Variants in ATP8A2 observed in about 807,000 individuals in gnomAD.
ATP8A2 encodes phospholipid-transporting ATPase IB.
A neutral mutation model predicts 165.6 loss-of-function variants in ATP8A2; 100 were observed. The observed-to-expected ratio is 0.60, with a 90% CI of 0.51 to 0.71. ATP8A2 has a LOEUF of 0.71. ATP8A2 is among the 30% of genes least tolerant of loss of function. ATP8A2 has a pLI of 0.00. For synonymous variants in ATP8A2, 543 were observed against 548.8 expected (o/e 0.99, Z 0.15); for missense variants, 1,227 against 1,479.5 (o/e 0.83, Z 2.80).
intron 33 of ATP8A2, among the ~76,000 whole-genome samples, chr13:25,912,687 A>G (rs773560132): frequency 2.0e-4 from 31 of 152,216 alleles, no homozygotes; most frequent in Non-Finnish European, 3.8e-4. Context: ...TTTACAACCT[A>G]AATTTTTTTT....
chr13:25,587,896 CTGT>C (rs983768020), intron 23 of ATP8A2, among the ~76,000 whole-genome samples: 1 of 152,182 alleles, frequency 6.6e-6, no homozygotes, highest in Admixed American at 6.5e-5. Flanking sequence ...TTATCCATCA[CTGT>C]TGTTAAAATA....
chr13:25,982,299 G>A (rs1416697768), intron 35 of ATP8A2, among the ~76,000 whole-genome samples: 1 of 152,218 alleles, frequency 6.6e-6, no homozygotes, highest in South Asian at 2.1e-4. Flanking sequence ...GTTGAAAACT[G>A]AAGACTCGCC....
At chr13:25,959,362 G>T (rs1308265962) in intron 33 of ATP8A2, among the ~76,000 whole-genome samples, 1 of 152,234 alleles carries the variant, frequency 6.6e-6, no homozygotes, top group African/African-American at 2.4e-5. Flanking sequence ...TCCTGAGCAT[G>T]TAAGCATGCC....
rs185662847 is a variant in ATP8A2 at position 25,655,386 on chromosome 13, C to T, written c.2212-43787C>T. ...TGTTGGCCAGGCTGGTCTCGAACTC[C>T]GACCTCAGGTGATCCACCCACCTCG... On this transcript the variant is annotated intron_variant, in intron 24 of 36. Coordinates refer to ENST00000381655, the MANE Select transcript of ATP8A2 (RefSeq NM_016529.6). Among the ~76,000 whole-genome samples the T allele has an allele frequency of 4.6e-5, 7 of 152,250 alleles. No individual in the cohort carries two copies. In the East Asian group the frequency reaches 5.8e-4, roughly 13 times the overall value.
At chr13:25,918,650 C>G (rs2139020032) in intron 33 of ATP8A2, among the ~76,000 whole-genome samples, 1 of 152,234 alleles carries the variant, frequency 6.6e-6, no homozygotes, top group Admixed American at 6.5e-5. Flanking sequence ...CTCCCCCCCG[C>G]AACAATAAAT....
At chr13:25,905,688 G>T (rs1023263892) in intron 33 of ATP8A2, among the ~76,000 whole-genome samples, 5 of 152,204 alleles carry the variant, frequency 3.3e-5, no homozygotes, top group Non-Finnish European at 7.3e-5. Flanking sequence ...CAGCCTCGGT[G>T]CCTGTCTCTG....
intron 35 of ATP8A2, among the ~76,000 whole-genome samples, chr13:26,011,761 C>T (rs1444194584): frequency 6.6e-6 from 1 of 152,062 alleles, no homozygotes; most frequent in Admixed American, 6.5e-5. Flanking sequence ...AAGCAAGGCC[C>T]TGTCTCTGCA....
At chr13:25,994,685 T>C (rs754420143) in intron 35 of ATP8A2, among the ~76,000 whole-genome samples, 2 of 152,154 alleles carry the variant, frequency 1.3e-5, no homozygotes, top group Non-Finnish European at 2.9e-5. Flanking sequence ...GTAGATTACA[T>C]TGATTTCTGA....
chr13:25,718,466 A>G (rs954944370), intron 25 of ATP8A2, among the ~76,000 whole-genome samples: 1 of 151,956 alleles, frequency 6.6e-6, no homozygotes, highest in Non-Finnish European at 1.5e-5. Context: ...GGTTTGGGTT[A>G]TGAGTGCTCA....
intron 25 of ATP8A2, among the ~76,000 whole-genome samples, chr13:25,762,553 G>A (rs1176920624): frequency 2.0e-5 from 3 of 152,114 alleles, no homozygotes; most frequent in African/African-American, 7.2e-5. Context: ...TCCTAGGTCT[G>A]TTGTTTATAT....
intron 2 of ATP8A2, among the ~76,000 whole-genome samples, chr13:25,514,525 G>A (rs138070028): frequency 6.2e-4 from 94 of 152,286 alleles, no homozygotes; most frequent in Admixed American, 2.0e-3. Context: ...AGGTTTGTGT[G>A]GGTGCCCTGG....
intron 27 of ATP8A2, among the ~76,000 whole-genome samples, chr13:25,813,319 T>C (rs1950924028): frequency 6.6e-6 from 1 of 151,872 alleles, no homozygotes; most frequent in South Asian, 2.1e-4. Flanking sequence ...TTCAGGGCAC[T>C]GCAAAGACAT....
chr13:25,398,578 C>T (rs8000828), intron 1 of ATP8A2, among the ~76,000 whole-genome samples: 127,648 of 152,172 alleles, frequency 0.84, 53,728 homozygotes, highest in East Asian at 0.96. Flanking sequence ...CCTTGCTCCC[C>T]CTGGCTCACT....
intron 33 of ATP8A2, among the ~76,000 whole-genome samples, chr13:25,878,947 G>A (rs1408214489): frequency 2.0e-5 from 3 of 152,100 alleles, no homozygotes; most frequent in African/African-American, 4.8e-5. Flanking sequence ...CAGCTGTGTC[G>A]TTTGTGTGTC....
rs926741758 is a variant in ATP8A2 at position 25,372,432 on chromosome 13, G to A, written c.76+144G>A. The A allele has an allele frequency of 1.8e-6, 1 of 550,736 alleles. No homozygotes were observed. Among genetic ancestry groups the A allele is most frequent in the East Asian group, 3.9e-5 (1 of 25,326 alleles). 34.1% of individuals were successfully genotyped at this position (550,736 alleles called of 1,614,324 possible). On this transcript the variant is annotated intron_variant, in intron 1 of 36. Transcript: ENST00000381655. This position sits in a 1 kb window ranked among gnomAD's most constrained non-coding sequence, Gnocchi z 4.8. ...GGCTCTCTGGGCTGCAGGATCCGCC[G>A]ACGCGGCGCGCTGGCCGCACGGGGG...
At chr13:25,979,667 T>G (rs1273129123) in intron 35 of ATP8A2, among the ~76,000 whole-genome samples, 1 of 152,192 alleles carries the variant, frequency 6.6e-6, no homozygotes, top group Non-Finnish European at 1.5e-5. Context: ...CAGACATTTA[T>G]TAAAAACGGA....
At chr13:25,901,865 G>T (rs944551656) in intron 33 of ATP8A2, among the ~76,000 whole-genome samples, 4 of 152,202 alleles carry the variant, frequency 2.6e-5, no homozygotes, top group Admixed American at 1.3e-4. Context: ...GATCCTCACT[G>T]CATGCCCAAG....
At chr13:25,404,069 C>G (rs1011505405) in intron 1 of ATP8A2, among the ~76,000 whole-genome samples, 3 of 152,146 alleles carry the variant, frequency 2.0e-5, no homozygotes, top group Admixed American at 2.0e-4. Flanking sequence ...AATCCTTGCT[C>G]TCATGGAACT....
chr13:25,784,537 G>C (rs1267907729), intron 27 of ATP8A2, among the ~76,000 whole-genome samples: 1 of 152,072 alleles, frequency 6.6e-6, no homozygotes, highest in Non-Finnish European at 1.5e-5. Flanking sequence ...CTTCCCTAAG[G>C]GCAAATAATC....
Sources: allele counts gnomAD v4.1 joint callset (sites outside exome capture counted in the v4.1 genomes callset), GRCh38; gene constraint gnomAD v4.1.1; non-coding constraint Gnocchi (gnomAD v3.1); transcripts MANE v1.5; gene names NCBI Gene and HGNC (gene_info 2026-07-23, HGNC 2026-07-21).